The following SCNN1B variants were observed in gnomAD, a reference collection of about 807,000 sequenced individuals.
SCNN1B encodes epithelial sodium channel subunit beta.
A neutral mutation model predicts 65.3 loss-of-function variants in SCNN1B; 46 were observed. That is an observed-to-expected ratio of 0.70 (90% CI 0.56 to 0.90). The LOEUF is 0.90. Ranked by LOEUF, SCNN1B falls within the 40% of genes least tolerant of loss-of-function variation. The probability of loss-of-function intolerance (pLI) is 0.00; values close to 1 mark genes in which losing one functional copy is unlikely to be tolerated. For synonymous variants in SCNN1B, 349 were observed against 330.6 expected (o/e 1.06, Z -0.60); for missense variants, 751 against 830.5 (o/e 0.90, Z 1.18).
rs1051762154 is a variant in SCNN1B at position 23,366,476 on chromosome 16, G to A, written c.777-1380G>A. 2.2e-4 allele frequency among the ~76,000 whole-genome samples: 33 copies of A among 152,038 alleles called. 2 individuals carry two copies. Among genetic ancestry groups the A allele is most frequent in the Non-Finnish European group, 2.9e-5 (2 of 68,012 alleles). The stretch of plus-strand genomic sequence containing the variant: ...CAGTTGGGTGCAGTGGCTCACGCCT[G>A]TAATCGCAGCACTTTGGGAAGCCAA... On this transcript the variant is annotated intron_variant, in intron 4 of 12. Transcript: ENST00000343070.
chr16:23,354,122 A>T (rs1962367855), intron 3 of SCNN1B, among the ~76,000 whole-genome samples: 1 of 152,078 alleles, frequency 6.6e-6, no homozygotes, highest in Non-Finnish European at 1.5e-5. Flanking sequence ...CTCCACACAA[A>T]CTAGCCGACG....
intron 4 of SCNN1B, among the ~76,000 whole-genome samples, chr16:23,363,961 G>A (rs1255649421): frequency 2.5e-4 from 38 of 152,118 alleles, no homozygotes; most frequent in Admixed American, 2.5e-3. Context: ...GAGGTCAGGA[G>A]TTCAAGACCA....
intron 1 of SCNN1B, among the ~76,000 whole-genome samples, chr16:23,340,693 G>A (rs1415672687): frequency 1.3e-5 from 2 of 151,902 alleles, no homozygotes; most frequent in Non-Finnish European, 2.9e-5. Context: ...ACCATGCCTG[G>A]CCAAGACTAC....
At chr16:23,306,195 A>T (rs1048447746) in intron 1 of SCNN1B, among the ~76,000 whole-genome samples, 4 of 151,440 alleles carry the variant, frequency 2.6e-5, no homozygotes, top group Non-Finnish European at 5.9e-5. Flanking sequence ...ATGAGCCGAG[A>T]TTGCATCGTT....
intron 1 of SCNN1B, among the ~76,000 whole-genome samples, chr16:23,347,639 G>A (rs559661831): frequency 6.6e-6 from 1 of 152,232 alleles, no homozygotes; most frequent in Non-Finnish European, 1.5e-5. Context: ...CAGGTGCGGT[G>A]GTTCATGCCT....
chr16:23,332,935 C>T (rs971301332), intron 1 of SCNN1B, among the ~76,000 whole-genome samples: 12 of 152,104 alleles, frequency 7.9e-5, no homozygotes, highest in Middle Eastern at 3.4e-3. Context: ...CTGGACGCGG[C>T]GGCAGGCGCC....
intron 1 of SCNN1B, among the ~76,000 whole-genome samples, chr16:23,280,300 C>A (rs1451979533): frequency 6.6e-6 from 1 of 151,956 alleles, no homozygotes; most frequent in Non-Finnish European, 1.5e-5. Flanking sequence ...TCACAGTTCA[C>A]TGCAGCCTCA....
intron 2 of SCNN1B, among the ~76,000 whole-genome samples, chr16:23,293,332 A>G (rs1463767813): frequency 6.6e-6 from 1 of 152,114 alleles, no homozygotes; most frequent in Non-Finnish European, 1.5e-5. Flanking sequence ...ATTATTTAGC[A>G]TTTTAAAAAG....
In SCNN1B at chr16:23,292,145, A is replaced by C. The variant is rs1278407386; in HGVS notation, n.178+8341A>C. Among the ~76,000 whole-genome samples, 6 of 150,912 alleles carry C rather than the reference A, an allele frequency of 4.0e-5. No individual in the cohort carries two copies. In the East Asian group the frequency reaches 1.2e-3, roughly 29 times the overall value. On this transcript the variant is annotated intron_variant and non_coding_transcript_variant, in intron 2 of 3. Coordinates refer to the SCNN1B transcript ENST00000569789. ...CCTTAGTTCATCTTAGTTCATTCTCAGCAATCCCTTTTATTTAATTTTATT... is the reference window on the plus strand; with the variant it reads ...CCTTAGTTCATCTTAGTTCATTCTCCGCAATCCCTTTTATTTAATTTTATT...
At chr16:23,308,927 C>T (rs1396915648) in intron 1 of SCNN1B, among the ~76,000 whole-genome samples, 2 of 152,182 alleles carry the variant, frequency 1.3e-5, no homozygotes, top group African/African-American at 4.8e-5. Flanking sequence ...AATAAGCTCT[C>T]TTAGTGATTC....
In SCNN1B at chr16:23,348,818, C is replaced by G; in HGVS notation, c.219C>G (p.Thr73=). The G allele has an allele frequency of 6.2e-7, 1 of 1,614,198 alleles. No individual in the cohort carries two copies. The highest frequency in any genetic ancestry group is 1.1e-5 in the South Asian group (1 of 91,086). ...GGCAGTGGGGCATCTTCATCAGGAC[C>G]TACTTGAGCTGGGAGGTCAGCGTCT... ...VCWQWGIFIR[T]YLSWEVSVSL... Residue 73 remains threonine, a synonymous_variant, in exon 2 of 13, where the codon ACC becomes ACG. Coordinates refer to ENST00000343070, the MANE Select transcript of SCNN1B (RefSeq NM_000336.3). The surrounding 1 kb of genome is among the most constrained non-coding windows in gnomAD (Gnocchi z 4.5).
At chr16:23,345,122 A>G (rs74012885) in intron 1 of SCNN1B, among the ~76,000 whole-genome samples, 9,546 of 152,192 alleles carry the variant, frequency 0.063, 1,013 homozygotes, top group African/African-American at 0.22. Flanking sequence ...AGATAATTGG[A>G]TCAGGAGTGA....
At chr16:23,308,709 A>G (rs1364909246) in intron 1 of SCNN1B, among the ~76,000 whole-genome samples, 1 of 152,158 alleles carries the variant, frequency 6.6e-6, no homozygotes, top group Non-Finnish European at 1.5e-5. Flanking sequence ...AACTTGGCTC[A>G]CTGCAACCTC....
In SCNN1B at chr16:23,348,857, C is replaced by G. The variant is rs748244163; in HGVS notation, c.258C>G (p.Gly86=). The G allele has an allele frequency of 1.2e-6, 2 of 1,614,156 alleles. No individual in the cohort carries two copies. The highest frequency in any genetic ancestry group is 2.2e-5 in the South Asian group (2 of 91,072). Residue 86 remains glycine (G), a synonymous_variant, in exon 2 of 13, where the codon GGC becomes GGG. Coordinates refer to ENST00000343070, the MANE Select transcript of SCNN1B (RefSeq NM_000336.3). This position sits in a 1 kb window ranked among gnomAD's most constrained non-coding sequence, Gnocchi z 4.5. ...SWEVSVSLSV[G]FKTMDFPAVT... Reference sequence around the variant, plus strand: ...AGGTCAGCGTCTCCCTCTCCGTAGGCTTCAAGACCATGGACTTCCCTGCCG... The same window carrying G: ...AGGTCAGCGTCTCCCTCTCCGTAGGGTTCAAGACCATGGACTTCCCTGCCG...
intron 7 of SCNN1B, among the ~76,000 whole-genome samples, chr16:23,372,989 C>T (rs1456706363): frequency 4.0e-5 from 6 of 151,812 alleles, no homozygotes; most frequent in Non-Finnish European, 8.8e-5. Context: ...CGCCTGTAGT[C>T]CCAGCTGTGC....
At chr16:23,331,788 G>T (rs1038462585) in intron 1 of SCNN1B, among the ~76,000 whole-genome samples, 1 of 152,108 alleles carries the variant, frequency 6.6e-6, no homozygotes, top group Non-Finnish European at 1.5e-5. Flanking sequence ...AGCACAGGAG[G>T]GGGAGCATCT....
In SCNN1B at chr16:23,353,065, C is replaced by A; in HGVS notation, c.576C>A (p.Ala192=). 1 of 1,614,162 alleles carries A rather than the reference C, an allele frequency of 6.2e-7. No individual in the cohort carries two copies. Among genetic ancestry groups the A allele is most frequent in the South Asian group, 1.1e-5 (1 of 91,074 alleles). Residue 192 remains alanine, a synonymous_variant, in exon 3 of 13, where the codon GCC becomes GCA. Transcript: ENST00000343070. ...KICNAHGCKM[A]MRLCSLNRTQ... is the part of the protein sequence containing the mutation. ...GTAATGCCCACGGGTGCAAAATGGCCATGAGACTAGTAAGTGGTCCCTGGG... is the reference window on the plus strand; with the variant it reads ...GTAATGCCCACGGGTGCAAAATGGCAATGAGACTAGTAAGTGGTCCCTGGG...
At chr16:23,365,607 A>AAAAGAAAGAGAG (rs1962649343) in intron 4 of SCNN1B, among the ~76,000 whole-genome samples, 1 of 76,720 alleles carries the variant, frequency 1.3e-5, no homozygotes, top group Non-Finnish European at 3.0e-5. Context: ...GAAAGAAAGA[A>AAAAGAAAGAGAG]AGAAAGAAAG....
chr16:23,281,691 G>C (rs546819367), intron 1 of SCNN1B, among the ~76,000 whole-genome samples: 2 of 152,268 alleles, frequency 1.3e-5, no homozygotes, highest in South Asian at 2.1e-4. Flanking sequence ...ACATGTCCTG[G>C]TTTTATTCAT....
Sources: allele counts gnomAD v4.1 joint callset (sites outside exome capture counted in the v4.1 genomes callset), GRCh38; gene constraint gnomAD v4.1.1; non-coding constraint Gnocchi (gnomAD v3.1); transcripts MANE v1.5; gene names NCBI Gene and HGNC (gene_info 2026-07-23, HGNC 2026-07-21).